ARHGAP32: variants seen among roughly 807,000 people sequenced by gnomAD.
ARHGAP32 encodes the protein rho GTPase-activating protein 32.
A neutral mutation model predicts 186.5 loss-of-function variants in ARHGAP32; 51 were observed. That is an observed-to-expected ratio of 0.27 (90% CI 0.22 to 0.35). The LOEUF is 0.35. ARHGAP32 is among the 10% of genes least tolerant of loss of function. ARHGAP32 has a pLI of 1.00. For missense variants in ARHGAP32, 2,186 were observed against 2,623.5 expected, an observed-to-expected ratio of 0.83 and a Z score of 3.64; for synonymous variants, 950 against 964.3, an observed-to-expected ratio of 0.99 and a Z score of 0.27.
intron 2 of ARHGAP32, among the ~76,000 whole-genome samples, chr11:129,143,017 T>A (rs1943090323): frequency 1.6e-5 from 2 of 124,736 alleles, no homozygotes; most frequent in Admixed American, 8.0e-5. Flanking sequence ...GGGAAAAAAA[T>A]TTGGCCTCTT....
intron 10 of ARHGAP32, among the ~76,000 whole-genome samples, chr11:129,051,462 T>C (rs891293447): frequency 6.6e-6 from 1 of 152,244 alleles, no homozygotes; most frequent in Non-Finnish European, 1.5e-5. Context: ...TGTCTGTTTA[T>C]ATCCTTTGCC....
At chr11:128,991,342 A>T (rs903658278) in intron 12 of ARHGAP32, among the ~76,000 whole-genome samples, 2 of 152,202 alleles carry the variant, frequency 1.3e-5, no homozygotes, top group Non-Finnish European at 2.9e-5. Flanking sequence ...ACTATTACTT[A>T]TAAGTTTAAG....
At chr11:129,102,505 C>T (rs916657386) in intron 5 of ARHGAP32, among the ~76,000 whole-genome samples, 1 of 152,074 alleles carries the variant, frequency 6.6e-6, no homozygotes, top group Non-Finnish European at 1.5e-5. Context: ...GAACTTCTAT[C>T]ACCTAACAAC....
At chr11:129,159,489 C>CAAACTAGGAAGACACCTTCCT (rs1283693969) in intron 2 of ARHGAP32, among the ~76,000 whole-genome samples, 3 of 151,952 alleles carry the variant, frequency 2.0e-5, no homozygotes, top group African/African-American at 4.8e-5. Flanking sequence ...TACACCTTCC[C>CAAACTAGGAAGACACCTTCCT]AAACTAGGAA....
At chr11:129,224,754 C>G (rs1467833658) in intron 1 of ARHGAP32, among the ~76,000 whole-genome samples, 2 of 119,484 alleles carry the variant, frequency 1.7e-5, no homozygotes, top group Admixed American at 2.1e-4. Flanking sequence ...ACCTGACTCA[C>G]AGCTTGGCTA....
At chr11:129,224,566 G>C (rs1396530654) in intron 1 of ARHGAP32, among the ~76,000 whole-genome samples, 1 of 151,900 alleles carries the variant, frequency 6.6e-6, no homozygotes, top group African/African-American at 2.4e-5. Context: ...CCTTCCCTCT[G>C]ATCTGCAGCT....
chr11:129,065,016 A>G, intron 7 of ARHGAP32, 83 bp from the exon 8 acceptor site: 1 of 1,114,704 alleles, frequency 9.0e-7, no homozygotes, highest in South Asian at 1.4e-5. Flanking sequence ...CTGGAAGAAA[A>G]AAATCTATAG....
chr11:129,257,693 T>A, intron 1 of ARHGAP32, among the ~76,000 whole-genome samples: 1 of 103,492 alleles, frequency 9.7e-6, no homozygotes. Context: ...AAGCAGTAAG[T>A]TAATAATTAA....
At chr11:129,279,175 G>T (rs1287572268) in exon 1 of ARHGAP32, 2 of 145,390 alleles carry the variant, frequency 1.4e-5, no homozygotes, top group South Asian at 1.8e-4. Context: ...GCGCCGCCGC[G>T]GCGTCCCTGC....
At chr11:129,220,310 A>C (rs1215273196) in intron 1 of ARHGAP32, among the ~76,000 whole-genome samples, 1 of 152,198 alleles carries the variant, frequency 6.6e-6, no homozygotes, top group Non-Finnish European at 1.5e-5. Flanking sequence ...GGCAAAAGGA[A>C]GGGTCTGTAT....
chr11:129,065,543 GA>G (rs1940658967), intron 7 of ARHGAP32, among the ~76,000 whole-genome samples: 1 of 152,024 alleles, frequency 6.6e-6, no homozygotes, highest in Non-Finnish European at 1.5e-5. Context: ...AGAAAAAAAT[GA>G]AACAGAAAAA....
At chr11:129,018,426 T>TA (rs1938452020) in intron 11 of ARHGAP32, among the ~76,000 whole-genome samples, 1 of 152,216 alleles carries the variant, frequency 6.6e-6, no homozygotes, top group Non-Finnish European at 1.5e-5. Flanking sequence ...GATTTACAGT[T>TA]AGAGTCTTAA....
chr11:129,167,038 A>G (rs1163481508), intron 1 of ARHGAP32, among the ~76,000 whole-genome samples: 2 of 152,166 alleles, frequency 1.3e-5, no homozygotes, highest in African/African-American at 2.4e-5. Flanking sequence ...AGAACGAGAA[A>G]TAAATGTATA....
At chr11:129,221,377 G>A (rs1944707380) in intron 1 of ARHGAP32, among the ~76,000 whole-genome samples, 2 of 151,824 alleles carry the variant, frequency 1.3e-5, no homozygotes, top group African/African-American at 4.8e-5. Context: ...ATCAGACAAT[G>A]AACTAGACTT....
At chr11:129,221,655 G>A (rs1047887649) in intron 1 of ARHGAP32, among the ~76,000 whole-genome samples, 1 of 151,576 alleles carries the variant, frequency 6.6e-6, no homozygotes, top group African/African-American at 2.4e-5. Context: ...AAGAAATGAG[G>A]AAGAGTACAA....
In ARHGAP32 at chr11:128,980,693, C is replaced by T; in HGVS notation, c.1836G>A (p.Leu612=). 6.2e-7 allele frequency: 1 copy of T among 1,614,010 alleles called. No individual in the cohort carries two copies. Among genetic ancestry groups the T allele is most frequent in the South Asian group, 1.1e-5 (1 of 91,054 alleles). The part of the protein sequence containing the change: ...LLVSSPSTKL[L]TLEEAQARTQ... ...TTCGTGCCTGGGCCTCTTCCAATGTCAGCAGTTTGGTGGATGGAGAGGATA... is the reference window on the plus strand; with the variant it reads ...TTCGTGCCTGGGCCTCTTCCAATGTTAGCAGTTTGGTGGATGGAGAGGATA... The change falls in exon 18 of 23, where the codon CTG becomes CTA. Residue 612 remains leucine, a synonymous_variant. Coordinates refer to ENST00000682385, the MANE Select transcript of ARHGAP32 (RefSeq NM_001378024.1).
At chr11:129,141,890 A>G (rs1023096314) in intron 2 of ARHGAP32, among the ~76,000 whole-genome samples, 1 of 152,222 alleles carries the variant, frequency 6.6e-6, no homozygotes. Flanking sequence ...AGAGAAAGTC[A>G]CAAGCTAGCT....
At chr11:129,085,351 A>C (rs1190675020) in intron 6 of ARHGAP32, among the ~76,000 whole-genome samples, 3 of 152,170 alleles carry the variant, frequency 2.0e-5, no homozygotes, top group African/African-American at 7.2e-5. Flanking sequence ...AAAATATATT[A>C]ATGTTTATAG....
intron 5 of ARHGAP32, among the ~76,000 whole-genome samples, chr11:129,120,431 A>C (rs1942495810): frequency 6.6e-6 from 1 of 152,136 alleles, no homozygotes; most frequent in Non-Finnish European, 1.5e-5. Flanking sequence ...AATTCAAAGA[A>C]GAGATCATAA....
Sources: allele counts gnomAD v4.1 joint callset (sites outside exome capture counted in the v4.1 genomes callset), GRCh38; gene constraint gnomAD v4.1.1; transcripts MANE v1.5; gene names NCBI Gene and HGNC (gene_info 2026-07-23, HGNC 2026-07-21).